The following THADA variants were observed in gnomAD, a reference collection of about 807,000 sequenced individuals.
THADA encodes the protein tRNA (32-2'-O)-methyltransferase regulator THADA.
In THADA, 213 loss-of-function variants were observed where a neutral mutation model predicts 219.8. The ratio of observed to expected loss-of-function variants is 0.97; its 90% CI spans 0.87 to 1.09. The LOEUF is 1.09. Among genes scored for constraint, THADA ranks in the 50% least tolerant of loss-of-function variants. THADA has a pLI of 0.00. For missense variants in THADA, 2,956 were observed against 2,311.3 expected (o/e 1.28, Z -5.72); for synonymous variants, 1,018 against 828.9 (o/e 1.23, Z -3.92).
intron 34 of THADA, among the ~76,000 whole-genome samples, chr2:43,289,958 T>A (rs545569726): frequency 1.4e-5 from 2 of 141,026 alleles, no homozygotes; most frequent in Admixed American, 1.5e-4. Context: ...CCGGCCCTGG[T>A]GTTTTTTTTT....
At chr2:43,295,277 A>C (rs1675236083) in intron 31 of THADA, among the ~76,000 whole-genome samples, 1 of 152,252 alleles carries the variant, frequency 6.6e-6, no homozygotes, top group Non-Finnish European at 1.5e-5. Context: ...CCAAAATCAA[A>C]TAATTACTAA....
At chr2:43,485,141 C>G (rs1426929878) in intron 26 of THADA, 93 bp downstream of exon 26, 5 of 906,412 alleles carry the variant, frequency 5.5e-6, no homozygotes, top group African/African-American at 1.7e-5. Flanking sequence ...CTAGATGAAT[C>G]TATAACAGTA....
intron 29 of THADA, among the ~76,000 whole-genome samples, chr2:43,367,491 G>A (rs568398772): frequency 6.6e-6 from 1 of 152,100 alleles, no homozygotes; most frequent in South Asian, 2.1e-4. Flanking sequence ...TGAACTACAC[G>A]TTTACCTAAC....
At chr2:43,547,442 G>C (rs1696177494) in intron 20 of THADA, among the ~76,000 whole-genome samples, 1 of 152,170 alleles carries the variant, frequency 6.6e-6, no homozygotes, top group Non-Finnish European at 1.5e-5. Flanking sequence ...AAGTTCTCCT[G>C]GATAATATCC....
At chr2:43,475,735 T>A (rs1192556423) in intron 26 of THADA, among the ~76,000 whole-genome samples, 1 of 152,202 alleles carries the variant, frequency 6.6e-6, no homozygotes, top group African/African-American at 2.4e-5. Context: ...TGGGTGAGAT[T>A]TTTATAATGC....
At chr2:43,279,015 C>T (rs1348375435) in intron 36 of THADA, among the ~76,000 whole-genome samples, 1 of 152,214 alleles carries the variant, frequency 6.6e-6, no homozygotes, top group African/African-American at 2.4e-5. Context: ...TCTGCTAAAG[C>T]AGGCACCCTC....
intron 28 of THADA, among the ~76,000 whole-genome samples, chr2:43,409,415 C>G (rs969682253): frequency 7.9e-5 from 12 of 151,076 alleles, no homozygotes; most frequent in African/African-American, 2.9e-4. Context: ...ATATTAGCAA[C>G]AGACTCATTC....
At position 43,320,520 on chromosome 2, in the gene THADA, G is replaced by A; in HGVS notation, c.4364C>T (p.Thr1455Ile). ...GAGAATATCAATATATACAGCTCTG[G>A]TCACCAAACATGGATTTTGCCTAGA... ...LAKRQNPCLV[T>I]RAVYIDILFL... The change falls in exon 31 of 38, where the codon ACC (threonine) becomes ATC (isoleucine). Residue 1455 changes from threonine (T) to isoleucine (I), a missense_variant. Coordinates refer to ENST00000405975, the MANE Select transcript of THADA (RefSeq NM_022065.5). 1 of 1,612,592 alleles carries A rather than the reference G, an allele frequency of 6.2e-7. No homozygotes were observed. Among genetic ancestry groups the A allele is most frequent in the Non-Finnish European group, 8.5e-7 (1 of 1,179,424 alleles).
At chr2:43,522,482 C>A (rs962824647) in intron 22 of THADA, among the ~76,000 whole-genome samples, 5 of 152,074 alleles carry the variant, frequency 3.3e-5, no homozygotes, top group African/African-American at 9.7e-5. Flanking sequence ...GGAAGATGTA[C>A]CAGATAGCTG....
At chr2:43,422,045 C>A (rs1486067376) in intron 28 of THADA, among the ~76,000 whole-genome samples, 1 of 152,224 alleles carries the variant, frequency 6.6e-6, no homozygotes, top group African/African-American at 2.4e-5. Flanking sequence ...AAACAGATAC[C>A]TTGATGATAT....
chr2:43,291,530 A>G (rs924838172), intron 34 of THADA, among the ~76,000 whole-genome samples, 166 bp downstream of exon 34: 2 of 151,484 alleles, frequency 1.3e-5, no homozygotes, highest in Non-Finnish European at 2.9e-5. Context: ...AGTCTTTTGA[A>G]GTTATACTCG....
intron 26 of THADA, among the ~76,000 whole-genome samples, chr2:43,473,449 T>C (rs1437789260): frequency 1.3e-5 from 2 of 152,152 alleles, no homozygotes; most frequent in African/African-American, 4.8e-5. Flanking sequence ...CTCTTCTGGA[T>C]ACCCCCGAAG....
At chr2:43,592,883 C>A (rs1434336640) in intron 1 of THADA, 1 of 152,396 alleles carries the variant, frequency 6.6e-6, no homozygotes, top group Admixed American at 6.5e-5. Flanking sequence ...ACTACCGTGT[C>A]CTGATTTCTG....
intron 17 of THADA, chr2:43,556,031 T>C: frequency 5.2e-6 from 2 of 381,544 alleles, no homozygotes; most frequent in South Asian, 6.3e-5. Context: ...AGATGGTCTG[T>C]CTCTAGTCAC....
At position 43,591,979 on chromosome 2, in the gene THADA, T is replaced by G; in HGVS notation, c.144A>C (p.Gly48=). 6.4e-7 allele frequency: 1 copy of G among 1,556,170 alleles called. No homozygotes were observed. The highest frequency in any genetic ancestry group is 1.7e-4 in the Middle Eastern group (1 of 5,972). The change falls in exon 3 of 38, where the codon GGA becomes GGC. Residue 48 remains glycine (G), a synonymous_variant. Coordinates refer to ENST00000405975, the MANE Select transcript of THADA (RefSeq NM_022065.5). The part of the protein sequence containing the change: ...LLLHCVQLTD[G]VSQIHYIKQI... The stretch of plus-strand genomic sequence containing the variant: ...GTTTAATATAATGGATTTGTGACAC[T>G]CCATCCGTGAGTTGCACACAATGTA...
chr2:43,257,853 A>AG (rs1164194018), intron 36 of THADA, among the ~76,000 whole-genome samples: 2 of 152,190 alleles, frequency 1.3e-5, no homozygotes, highest in Admixed American at 6.5e-5. Flanking sequence ...AAAAAAGAGG[A>AG]GAGGTGAGGG....
chr2:43,561,631 G>C (rs1226808719), intron 15 of THADA, among the ~76,000 whole-genome samples: 2 of 152,210 alleles, frequency 1.3e-5, no homozygotes, highest in African/African-American at 4.8e-5. Context: ...TAATTTACAA[G>C]TTAGAACAAC....
chr2:43,579,477 G>A (rs1700189209), intron 8 of THADA, among the ~76,000 whole-genome samples: 1 of 152,206 alleles, frequency 6.6e-6, no homozygotes, highest in Non-Finnish European at 1.5e-5. Flanking sequence ...TGTTCAACCT[G>A]GGGAAAGAAG....
At chr2:43,477,075 C>A (rs1465202992) in intron 26 of THADA, among the ~76,000 whole-genome samples, 1 of 152,070 alleles carries the variant, frequency 6.6e-6, no homozygotes, top group Non-Finnish European at 1.5e-5. Context: ...AAAACTAATC[C>A]TTTCTGTTGC....
Sources: gnomAD v4.1 joint callset for allele counts (sites outside exome capture counted in the v4.1 genomes callset) on GRCh38, gnomAD v4.1.1 for gene constraint, MANE v1.5 for transcripts, NCBI Gene and HGNC (gene_info 2026-07-23, HGNC 2026-07-21) for gene names.